The following GEMIN2 variants were observed in gnomAD, a reference collection of about 807,000 sequenced individuals.
GEMIN2 encodes the protein gem-associated protein 2.
GEMIN2 carries 37 observed loss-of-function variants against 45.8 expected under a neutral mutation model. The observed-to-expected ratio is 0.81, with a 90% CI of 0.62 to 1.06. The LOEUF is 1.06. Ranked by LOEUF, GEMIN2 falls within the 50% of genes least tolerant of loss-of-function variation. The probability of loss-of-function intolerance (pLI) is 0.00; values close to 1 mark genes in which losing one functional copy is unlikely to be tolerated. For missense variants in GEMIN2, 335 were observed against 321.8 expected (o/e 1.04, Z -0.31); for synonymous variants, 101 against 111.5 (o/e 0.91, Z 0.60).
intron 5 of GEMIN2, among the ~76,000 whole-genome samples, chr14:39,123,461 T>C (rs2052598822): frequency 6.6e-6 from 1 of 151,748 alleles, no homozygotes; most frequent in East Asian, 1.9e-4. Context: ...TCACTTGTAA[T>C]AGAAGTATAA....
chr14:39,131,442 C>T (rs1418187268), intron 7 of GEMIN2, among the ~76,000 whole-genome samples: 1 of 152,148 alleles, frequency 6.6e-6, no homozygotes, highest in Non-Finnish European at 1.5e-5. Flanking sequence ...AATATGTATT[C>T]ATTTTGTAGC....
At position 39,133,678 on chromosome 14, in the gene GEMIN2, G is replaced by A; in HGVS notation, c.729G>A (p.Glu243=). ...VRLLVDSKDD[E]RVPALNLLIC... is the part of the protein sequence containing the mutation. ...TTTTTTAGGATAGCAAAGATGATGA[G>A]AGGGTTCCTGCTTTGAATTTATTAA... Residue 243 remains glutamate (E), a synonymous_variant, in exon 9 of 10, where the codon GAG becomes GAA. Coordinates refer to ENST00000308317, the MANE Select transcript of GEMIN2 (RefSeq NM_003616.3). 6.6e-7 allele frequency: 1 copy of A among 1,510,896 alleles called. No individual in the cohort carries two copies. The highest frequency in any genetic ancestry group is 9.0e-7 in the Non-Finnish European group (1 of 1,113,118). 93.6% of individuals were successfully genotyped at this position (1,510,896 alleles called of 1,614,324 possible).
chr14:39,135,456 C>G lies in GEMIN2; in HGVS notation c.771-984C>G, dbSNP rs555786632. ...GGAAAATTAGCCGGGCACGGTGGTT[C>G]ACGCCTGTAATCCCAGCTACTCGGG... On this transcript the variant is annotated intron_variant, in intron 9 of 9. Transcript: ENST00000308317. Among the ~76,000 whole-genome samples the G allele has an allele frequency of 1.1e-4, 17 of 152,146 alleles. No homozygotes were observed. The South Asian group carries it at 1.7e-3, about 15-fold the overall frequency.
intron 7 of GEMIN2, among the ~76,000 whole-genome samples, chr14:39,129,204 G>T (rs1047932890): frequency 1.3e-5 from 2 of 152,104 alleles, no homozygotes; most frequent in African/African-American, 4.8e-5. Context: ...GTATAGTAAT[G>T]TGCTATATAG....
At chr14:39,133,524 G>T in intron 8 of GEMIN2, 137 bp from the exon 9 acceptor site, 1 of 413,396 alleles carries the variant, frequency 2.4e-6, no homozygotes, top group Non-Finnish European at 4.2e-6. Context: ...CTTTTTCTTT[G>T]AGGGCTCCTA....
At chr14:39,121,154 T>C (rs905253855) in intron 4 of GEMIN2, among the ~76,000 whole-genome samples, 16 of 152,176 alleles carry the variant, frequency 1.1e-4, no homozygotes, top group Non-Finnish European at 2.9e-5. Context: ...TGGTGCATTT[T>C]TTCCCCCATA....
chr14:39,117,199 G>A (rs868476219), intron 2 of GEMIN2, among the ~76,000 whole-genome samples: 3 of 150,248 alleles, frequency 2.0e-5, no homozygotes, highest in Admixed American at 6.7e-5. Flanking sequence ...TTGAACCCGG[G>A]AGACGGAGAT....
chr14:39,136,607 CTG>C lies in GEMIN2; in HGVS notation c.*131_*132del, dbSNP rs1374728853. ...CTATGTGAAGGGTTCACATCTTAAC[CTG>C]TGCAATTCAGATTGATACTCAGAAT... On this transcript the variant is annotated 3_prime_UTR_variant, in exon 10 of 10. Transcript: ENST00000308317. 5.7e-6 allele frequency: 4 copies of C among 695,964 alleles called. No homozygotes were observed. In the Admixed American group the frequency reaches 9.7e-5, roughly 17 times the overall value. The allele number at this position is 695,964 out of a possible 1,614,324, so 43.1% of individuals were successfully genotyped here. A position where few individuals can be genotyped will look rare whatever the true frequency, so the allele number is the denominator to read the frequency against.
chr14:39,136,187 G>GT (rs1418807098), intron 9 of GEMIN2, among the ~76,000 whole-genome samples: 2 of 151,726 alleles, frequency 1.3e-5, no homozygotes, highest in East Asian at 1.9e-4. Context: ...TCTGTACTTC[G>GT]TTTTTTTTCA....
Position 39,130,763 on chromosome 14 carries a change from C to T in GEMIN2, c.601-1195C>T, listed in dbSNP as rs147773654. 6.2e-3 allele frequency among the ~76,000 whole-genome samples: 932 copies of T among 151,544 alleles called. 10 individuals are homozygous for T. The highest frequency in any genetic ancestry group is 0.021 in the African/African-American group (861 of 41,352). ...TACAAAAATTAGCTGAGCATGGTGG[C>T]GGGCGCCTGTTGTCCCAGCTACTCA... is the stretch of plus-strand genomic sequence containing the variant. On this transcript the variant is annotated intron_variant, in intron 7 of 9. Transcript: ENST00000308317.
At chr14:39,123,545 G>A (rs1334087449) in intron 5 of GEMIN2, among the ~76,000 whole-genome samples, 1 of 151,478 alleles carries the variant, frequency 6.6e-6, no homozygotes, top group Non-Finnish European at 1.5e-5. Flanking sequence ...ATTGACAAGA[G>A]CTGGGGAAAC....
intron 2 of GEMIN2, among the ~76,000 whole-genome samples, chr14:39,117,316 C>T (rs893514674): frequency 2.0e-5 from 3 of 150,820 alleles, no homozygotes; most frequent in South Asian, 2.1e-4. Flanking sequence ...TAAAGTTAAG[C>T]GTCTTTAAGT....
At chr14:39,120,009 A>T (rs1019625566) in intron 4 of GEMIN2, among the ~76,000 whole-genome samples, 7 of 152,144 alleles carry the variant, frequency 4.6e-5, no homozygotes, top group African/African-American at 1.4e-4. Context: ...AGGTAGGTAA[A>T]TATATTTTTT....
chr14:39,136,482 T>A lies in GEMIN2; in HGVS notation c.*3T>A. The stretch of plus-strand genomic sequence containing the variant: ...ATTTAGCTGATGAGCCATCTTGATG[T>A]AGCTGATCTCTCAGGGATAGAAGAT... On this transcript the variant is annotated 3_prime_UTR_variant, in exon 10 of 10. Coordinates refer to ENST00000308317, the MANE Select transcript of GEMIN2 (RefSeq NM_003616.3). 6.2e-7 allele frequency: 1 copy of A among 1,600,596 alleles called. No individual in the cohort carries two copies. The highest frequency in any genetic ancestry group is 8.6e-7 in the Non-Finnish European group (1 of 1,168,974).
intron 5 of GEMIN2, among the ~76,000 whole-genome samples, chr14:39,124,578 C>T (rs954483274): frequency 5.3e-5 from 8 of 151,858 alleles, no homozygotes; most frequent in African/African-American, 9.7e-5. Context: ...CCAGACCAAC[C>T]TGGGCAACAT....
chr14:39,123,685 G>GTTTTATATAT (rs1566532769), intron 5 of GEMIN2, among the ~76,000 whole-genome samples: 14 of 59,592 alleles, frequency 2.3e-4, no homozygotes, highest in African/African-American at 8.5e-4. Flanking sequence ...TTCAAAAATA[G>GTTTTATATAT]CTATATATAT....
chr14:39,128,885 C>G (rs1260916341), intron 7 of GEMIN2, among the ~76,000 whole-genome samples: 1 of 152,124 alleles, frequency 6.6e-6, no homozygotes, highest in Non-Finnish European at 1.5e-5. Flanking sequence ...GTGTTCTTCC[C>G]ACCTTGGCCT....
At chr14:39,117,868 ATATTT>A in intron 2 of GEMIN2, 126 bp from the exon 3 acceptor site, 1 of 464,116 alleles carries the variant, frequency 2.2e-6, no homozygotes, top group Non-Finnish European at 3.8e-6. Flanking sequence ...ATCTGCAAAA[ATATTT>A]TATTTTCTTG....
chr14:39,123,708 A>ATATATATATATATATATATATT (rs1555333787), intron 5 of GEMIN2, among the ~76,000 whole-genome samples: 2 of 37,688 alleles, frequency 5.3e-5, no homozygotes, highest in South Asian at 1.3e-3. Context: ...ATATATATAT[A>ATATATATATATATATATATATT]TTTTTTTTTT....
Sources: allele counts gnomAD v4.1 joint callset (sites outside exome capture counted in the v4.1 genomes callset), GRCh38; gene constraint gnomAD v4.1.1; transcripts MANE v1.5; gene names NCBI Gene and HGNC (gene_info 2026-07-23, HGNC 2026-07-21).